The following ARHGEF10L variants were observed in gnomAD, a reference collection of about 807,000 sequenced individuals.
ARHGEF10L encodes Rho guanine nucleotide exchange factor 10 like.
A neutral mutation model predicts 141.2 loss-of-function variants in ARHGEF10L; 69 were observed. That is an observed-to-expected ratio of 0.49 (90% CI 0.40 to 0.60). ARHGEF10L has a LOEUF of 0.60. Ranked by LOEUF, ARHGEF10L falls within the 20% of genes least tolerant of loss-of-function variation. ARHGEF10L has a pLI of 0.00. For synonymous variants in ARHGEF10L, 711 were observed against 718.5 expected, an observed-to-expected ratio of 0.99 and a Z score of 0.17; for missense variants, 1,482 against 1,734.3, an observed-to-expected ratio of 0.85 and a Z score of 2.58.
At chr1:17,532,942 A>G in the ARHGEF10L span, among the ~76,000 whole-genome samples, 1 of 152,158 alleles carries the variant, frequency 6.6e-6, no homozygotes, top group Non-Finnish European at 1.5e-5. Context: ...AGGCTAAAGC[A>G]CGGTGCTGGG....
intron 26 of ARHGEF10L, among the ~76,000 whole-genome samples, chr1:17,665,827 G>T (rs1001231157): frequency 1.3e-5 from 2 of 152,172 alleles, no homozygotes; most frequent in African/African-American, 4.8e-5. Flanking sequence ...GGGTGATGGA[G>T]GCTGTGAAGC....
At chr1:17,536,731 C>A (rs564356189), upstream of ARHGEF10L, among the ~76,000 whole-genome samples, 1 of 152,136 alleles carries the variant, frequency 6.6e-6, no homozygotes, top group South Asian at 2.1e-4. Flanking sequence ...CAGAGGGCTG[C>A]GAGTGACGTT....
chr1:17,689,656 G>A (rs2064944491), intron 27 of ARHGEF10L: 1 of 330,874 alleles, frequency 3.0e-6, no homozygotes, highest in Non-Finnish European at 5.7e-6. Flanking sequence ...ATAGTATTTA[G>A]CCATTATACA....
intron 26 of ARHGEF10L, among the ~76,000 whole-genome samples, chr1:17,684,182 G>A (rs536477186): frequency 6.6e-6 from 1 of 152,320 alleles, no homozygotes; most frequent in African/African-American, 2.4e-5. Context: ...TCTGTGATTT[G>A]GGCTGATGCT....
intron 1 of ARHGEF10L, among the ~76,000 whole-genome samples, chr1:17,554,230 G>A (rs574155683): frequency 6.6e-6 from 1 of 152,324 alleles, no homozygotes; most frequent in Admixed American, 6.5e-5. Context: ...GTCACAGTGA[G>A]GATGGTGAGG....
chr1:17,625,842 G>T lies in ARHGEF10L; in HGVS notation c.1318-114G>T, dbSNP rs2060351757. ...GCTCTTCTTGCAAGCCCAGGGATAG[G>T]CAGGGTCTTAGGGCCTGGGGAGAGG... is the stretch of plus-strand genomic sequence containing the variant. On this transcript the variant is annotated intron_variant, in intron 13 of 28. Transcript: ENST00000361221. This position sits in a 1 kb window ranked among gnomAD's most constrained non-coding sequence, Gnocchi z 4.5. 5 of 842,738 alleles carry T rather than the reference G, an allele frequency of 5.9e-6. No homozygotes were observed. The highest frequency in any genetic ancestry group is 9.5e-6 in the Non-Finnish European group (5 of 524,256). The allele number at this position is 842,738 out of a possible 1,614,324, so 52.2% of individuals were successfully genotyped here. A position where few individuals can be genotyped will look rare whatever the true frequency, so the allele number is the denominator to read the frequency against.
At chr1:17,597,352 G>A (rs72648438) in intron 4 of ARHGEF10L, among the ~76,000 whole-genome samples, 4,205 of 152,224 alleles carry the variant, frequency 0.028, 87 homozygotes, top group Non-Finnish European at 0.042. Context: ...GCAGCCCTGC[G>A]TGGCTTCCAT....
chr1:17,606,883 G>T (rs942237625), intron 6 of ARHGEF10L, among the ~76,000 whole-genome samples: 3 of 152,192 alleles, frequency 2.0e-5, no homozygotes, highest in African/African-American at 7.2e-5. Context: ...TCTCATAGCC[G>T]AGTTGAATGG....
intron 1 of ARHGEF10L, 66 bp downstream of exon 1, chr1:17,540,016 C>G (rs1446842548): frequency 6.6e-6 from 1 of 151,690 alleles, no homozygotes; most frequent in Non-Finnish European, 1.5e-5. Context: ...TCTGCGAGTG[C>G]GCGGGAGGCG....
intron 1 of ARHGEF10L, among the ~76,000 whole-genome samples, chr1:17,574,301 A>G (rs1173839097): frequency 6.6e-6 from 1 of 152,120 alleles, no homozygotes; most frequent in Non-Finnish European, 1.5e-5. Flanking sequence ...AATGTTCAGT[A>G]TGGGGCCCGG....
chr1:17,617,034 G>A (rs2059846804), intron 9 of ARHGEF10L, among the ~76,000 whole-genome samples: 1 of 152,290 alleles, frequency 6.6e-6, no homozygotes, highest in Admixed American at 6.5e-5. Flanking sequence ...GAGGGAATAG[G>A]CACAGAGAGG....
chr1:17,666,540 G>A (rs918029352), intron 26 of ARHGEF10L, among the ~76,000 whole-genome samples: 9 of 152,096 alleles, frequency 5.9e-5, no homozygotes, highest in Admixed American at 4.6e-4. Context: ...CTGGCAGTGA[G>A]GACCTTTAAC....
intron 27 of ARHGEF10L, among the ~76,000 whole-genome samples, chr1:17,690,581 T>A (rs2065030300): frequency 6.6e-6 from 1 of 152,252 alleles, no homozygotes; most frequent in Non-Finnish European, 1.5e-5. Context: ...ACCGCTCTTT[T>A]GGCAGACCTC....
chr1:17,628,113 A>G (rs2060485748), intron 15 of ARHGEF10L, among the ~76,000 whole-genome samples: 1 of 152,078 alleles, frequency 6.6e-6, no homozygotes, highest in Non-Finnish European at 1.5e-5. Context: ...TGAGGCAGGC[A>G]GATCACCTGA....
chr1:17,601,982 G>A, intron 4 of ARHGEF10L, 145 bp from the exon 5 acceptor site: 1 of 673,848 alleles, frequency 1.5e-6, no homozygotes, highest in South Asian at 1.9e-5. Flanking sequence ...GGGCTTGTCT[G>A]AGGCCAACTC....
rs575169484 is a variant in ARHGEF10L at position 17,621,453 on chromosome 1, G to A, written c.943-411G>A. Among the ~76,000 whole-genome samples, 1 of 152,164 alleles carries A rather than the reference G, an allele frequency of 6.6e-6. No individual in the cohort carries two copies. The highest frequency in any genetic ancestry group is 1.5e-5 in the Non-Finnish European group (1 of 68,030). On this transcript the variant is annotated intron_variant, in intron 10 of 28. Transcript: ENST00000361221. The surrounding 1 kb of genome is among the most constrained non-coding windows in gnomAD (Gnocchi z 4.1). Reference sequence around the variant, plus strand: ...TCACCATGTTGGCCAGGCTGGTTTCGAACTCCTGACTTCAGGTGATTTGCC... The same window carrying A: ...TCACCATGTTGGCCAGGCTGGTTTCAAACTCCTGACTTCAGGTGATTTGCC...
chr1:17,522,247 G>A, the ARHGEF10L span, among the ~76,000 whole-genome samples: 11 of 152,198 alleles, frequency 7.2e-5, no homozygotes, highest in East Asian at 1.9e-4. Context: ...CACCTTGCCC[G>A]TCTATTTAGG....
chr1:17,687,383 C>T (rs1020077431), intron 26 of ARHGEF10L, among the ~76,000 whole-genome samples, 190 bp from the exon 27 acceptor site: 3 of 152,238 alleles, frequency 2.0e-5, no homozygotes, highest in African/African-American at 7.2e-5. Flanking sequence ...CTTTGGCCAA[C>T]ACAGCACAGC....
At position 17,627,447 on chromosome 1, in the gene ARHGEF10L, G is replaced by A. The variant is rs775661277; in HGVS notation, c.1528G>A (p.Val510Met). The change falls in exon 15 of 29, where the codon GTG becomes ATG. Residue 510 changes from valine to methionine, a missense_variant. Val to Met is a conservative substitution (Grantham distance 21, BLOSUM62 1). This residue lies in a region of ARHGEF10L where 392 missense variants were observed against 542.1 expected (regional missense o/e 0.72). Coordinates refer to ENST00000361221, the MANE Select transcript of ARHGEF10L (RefSeq NM_018125.4). This position sits in a 1 kb window ranked among gnomAD's most constrained non-coding sequence, Gnocchi z 4.0. ...CGAGCAGAAGCGGCTGGCTGACCAG[G>A]TGGCTGAGATCCAGCAGCTGACCAA... ...LNEQKRLADQ[V>M]AEIQQLTKSV... 6.2e-7 allele frequency: 1 copy of A among 1,613,442 alleles called. No homozygotes were observed.
Sources: gnomAD v4.1 joint callset for allele counts (sites outside exome capture counted in the v4.1 genomes callset) on GRCh38, gnomAD v4.1.1 for gene constraint, gnomAD v4.1.1 regional missense constraint, Gnocchi (gnomAD v3.1) non-coding constraint, MANE v1.5 for transcripts, NCBI Gene and HGNC (gene_info 2026-07-23, HGNC 2026-07-21) for gene names.